The following MPPED2 variants were observed in gnomAD, a reference collection of about 807,000 sequenced individuals.
MPPED2 encodes metallophosphoesterase domain containing 2.
In MPPED2, 5 loss-of-function variants were observed where a neutral mutation model predicts 33.0. That is an observed-to-expected ratio of 0.15 (90% CI 0.08 to 0.32). The LOEUF is 0.32. Ranked by LOEUF, MPPED2 falls within the 10% of genes least tolerant of loss-of-function variation. The probability of loss-of-function intolerance (pLI) is 1.00; values close to 1 mark genes in which losing one functional copy is unlikely to be tolerated. For missense variants in MPPED2, 275 were observed against 372.1 expected, an observed-to-expected ratio of 0.74 and a Z score of 2.15; for synonymous variants, 136 against 141.9, an observed-to-expected ratio of 0.96 and a Z score of 0.29.
intron 3 of MPPED2, among the ~76,000 whole-genome samples, chr11:30,523,851 C>A (rs960628581): frequency 1.2e-4 from 19 of 152,136 alleles, no homozygotes; most frequent in African/African-American, 4.6e-4. Context: ...GAAGACCTCA[C>A]CAAAGAGGTG....
rs887573738 is a variant in MPPED2 at position 30,392,679 on chromosome 11, C to T, written c.767-3723G>A. 5.9e-5 allele frequency among the ~76,000 whole-genome samples: 9 copies of T among 152,152 alleles called. 1 individual carries two copies. The highest frequency in any genetic ancestry group is 4.1e-4 in the South Asian group (2 of 4,828). Reference sequence around the variant, plus strand: ...GCAAGCCACTGGTTCTTAAAGGGGACGGGTTCCCTTGGATTTCCCTGAGCT... The same window carrying T: ...GCAAGCCACTGGTTCTTAAAGGGGATGGGTTCCCTTGGATTTCCCTGAGCT... On this transcript the variant is annotated intron_variant, in intron 6 of 6. Transcript: ENST00000448418.
intron 2 of MPPED2, among the ~76,000 whole-genome samples, chr11:30,537,211 T>C (rs751399944): frequency 2.6e-5 from 4 of 152,242 alleles, no homozygotes; most frequent in Non-Finnish European, 5.9e-5. Flanking sequence ...ATATTAACTC[T>C]ACACTGACAG....
chr11:30,442,082 A>T (rs1038334469), intron 4 of MPPED2, among the ~76,000 whole-genome samples: 19 of 152,230 alleles, frequency 1.2e-4, no homozygotes, highest in African/African-American at 4.3e-4. Flanking sequence ...TTTTCAAGAC[A>T]CATCGTTTAA....
chr11:30,584,182 G>A (rs1957330463), intron 1 of MPPED2: 1 of 152,206 alleles, frequency 6.6e-6, no homozygotes, highest in East Asian at 1.9e-4. Context: ...TTCGGAGAGG[G>A]AGGGCAAGAC....
At chr11:30,436,759 G>A (rs1949344490) in intron 4 of MPPED2, among the ~76,000 whole-genome samples, 1 of 152,172 alleles carries the variant, frequency 6.6e-6, no homozygotes, top group Non-Finnish European at 1.5e-5. Flanking sequence ...ACACTGCTGG[G>A]ACTCACATTT....
chr11:30,480,370 C>G (rs1007952003), intron 4 of MPPED2, among the ~76,000 whole-genome samples: 3 of 151,992 alleles, frequency 2.0e-5, no homozygotes, highest in African/African-American at 7.2e-5. Context: ...AATGACAGGA[C>G]TGCAGTGTGC....
At chr11:30,563,342 G>A (rs970954702) in intron 2 of MPPED2, among the ~76,000 whole-genome samples, 1 of 152,102 alleles carries the variant, frequency 6.6e-6, no homozygotes, top group Non-Finnish European at 1.5e-5. Flanking sequence ...AGTAAGCAAC[G>A]TAGATCCCTC....
chr11:30,433,506 C>T (rs143314821), intron 4 of MPPED2, among the ~76,000 whole-genome samples: 6 of 152,144 alleles, frequency 3.9e-5, no homozygotes, highest in Non-Finnish European at 8.8e-5. Context: ...CAAAAAGAGG[C>T]TAAAGATTTC....
chr11:30,479,279 C>T (rs1048422892), intron 4 of MPPED2, among the ~76,000 whole-genome samples: 5 of 152,048 alleles, frequency 3.3e-5, no homozygotes, highest in Non-Finnish European at 5.9e-5. Context: ...GGAGACCTGA[C>T]GTAGATGACT....
chr11:30,478,291 T>G (rs1467733127), intron 4 of MPPED2, among the ~76,000 whole-genome samples: 1 of 152,164 alleles, frequency 6.6e-6, no homozygotes, highest in Non-Finnish European at 1.5e-5. Flanking sequence ...CAGTAACTTT[T>G]GTATTAAGTT....
chr11:30,558,671 G>A (rs959223190), intron 2 of MPPED2, among the ~76,000 whole-genome samples: 14 of 150,930 alleles, frequency 9.3e-5, no homozygotes, highest in Non-Finnish European at 1.5e-4. Context: ...ATAACCCTGC[G>A]TTGGCCTCCC....
chr11:30,439,295 T>C (rs1949459706), intron 4 of MPPED2, among the ~76,000 whole-genome samples: 1 of 152,184 alleles, frequency 6.6e-6, no homozygotes, highest in Non-Finnish European at 1.5e-5. Flanking sequence ...TACCCAAAAT[T>C]ATGAAAATAA....
chr11:30,525,072 G>A (rs1270867598), intron 3 of MPPED2, among the ~76,000 whole-genome samples: 1 of 152,170 alleles, frequency 6.6e-6, no homozygotes. Context: ...CCAGTCCTAG[G>A]CCTCCCACTG....
chr11:30,417,885 C>T (rs1948446049), intron 4 of MPPED2, among the ~76,000 whole-genome samples: 1 of 152,124 alleles, frequency 6.6e-6, no homozygotes, highest in Admixed American at 6.5e-5. Flanking sequence ...TCCCAGCAGG[C>T]CTCTATCAAA....
At chr11:30,489,231 C>T (rs980418381) in intron 4 of MPPED2, among the ~76,000 whole-genome samples, 1 of 152,306 alleles carries the variant, frequency 6.6e-6, no homozygotes, top group Middle Eastern at 3.4e-3. Context: ...TGAAGACTGT[C>T]AGCAAAATAC....
Position 30,436,584 on chromosome 11 carries a change from T to C in MPPED2, c.537-18951A>G, listed in dbSNP as rs374874140. On this transcript the variant is annotated intron_variant, in intron 4 of 6. Coordinates refer to ENST00000358117, the MANE Select transcript of MPPED2 (RefSeq NM_001584.3). ...TAACAAAAGCACCTACCGCACAAGG[T>C]CCATGATGAAAAAGACTTTGAACAG... is the stretch of plus-strand genomic sequence containing the variant. Among the ~76,000 whole-genome samples the C allele has an allele frequency of 6.6e-5, 10 of 152,264 alleles. No individual in the cohort carries two copies. The East Asian group carries it at 1.7e-3, about 26-fold the overall frequency.
chr11:30,517,699 C>T (rs947707942), intron 3 of MPPED2, among the ~76,000 whole-genome samples: 1 of 151,826 alleles, frequency 6.6e-6, no homozygotes, highest in African/African-American at 2.4e-5. Flanking sequence ...CCTGTAAGCA[C>T]GGACACCCTC....
chr11:30,583,134 C>CTTTTTCTTTTTTTTTTT (rs1957251845), intron 1 of MPPED2, among the ~76,000 whole-genome samples: 1 of 96,712 alleles, frequency 1.0e-5, no homozygotes, highest in African/African-American at 4.8e-5. Context: ...AAGACTTTTT[C>CTTTTTCTTTTTTTTTTT]TTTTTTTTTT....
rs560765840 is a variant in MPPED2 at position 30,478,886 on chromosome 11, TGCTGTTCACAATATGA to T, written c.536+16394_536+16409del. Reference sequence around the variant, plus strand: ...GTGTGTAGTGTTGTGGGTTTTTTGTTGCTGTTCACAATATGAGCAGGCTGTTTGACAGAGAAAAAAG... The same window carrying T: ...GTGTGTAGTGTTGTGGGTTTTTTGTTGCAGGCTGTTTGACAGAGAAAAAAG... On this transcript the variant is annotated intron_variant, in intron 4 of 6. Transcript: ENST00000358117. Among the ~76,000 whole-genome samples the T allele has an allele frequency of 1.7e-3, 257 of 152,248 alleles. 2 individuals are homozygous for T. The highest frequency in any genetic ancestry group is 5.9e-3 in the African/African-American group (244 of 41,558).
Sources: allele counts gnomAD v4.1 joint callset (sites outside exome capture counted in the v4.1 genomes callset), GRCh38; gene constraint gnomAD v4.1.1; transcripts MANE v1.5; gene names NCBI Gene and HGNC (gene_info 2026-07-23, HGNC 2026-07-21).